The following NUP153 variants were observed in gnomAD, a reference collection of about 807,000 sequenced individuals.
The protein encoded by NUP153 is nuclear pore complex protein Nup153.
Under a neutral mutation model 134.6 loss-of-function variants are expected in NUP153, and 27 were observed. That is an observed-to-expected ratio of 0.20 (90% confidence interval 0.15 to 0.28). NUP153 has a LOEUF of 0.28. Ranked by LOEUF, NUP153 falls within the 10% of genes least tolerant of loss-of-function variation. The pLI is 1.00. For synonymous variants in NUP153, 640 were observed against 623.5 expected (o/e 1.03, Z -0.40); for missense variants, 1,821 against 1,731.3 (o/e 1.05, Z -0.92).
intron 2 of NUP153, among the ~76,000 whole-genome samples, chr6:17,682,622 T>G (rs988986451): frequency 1.3e-5 from 2 of 152,008 alleles, no homozygotes; most frequent in Admixed American, 1.3e-4. Context: ...AGATTCCATC[T>G]CACGAAACCA....
intron 20 of NUP153, among the ~76,000 whole-genome samples, chr6:17,620,271 C>T (rs950616422): frequency 6.6e-6 from 1 of 151,920 alleles, no homozygotes; most frequent in Non-Finnish European, 1.5e-5. Flanking sequence ...CCATATATAG[C>T]TATATGAGAC....
At chr6:17,699,741 A>T (rs906322434) in intron 1 of NUP153, among the ~76,000 whole-genome samples, 4 of 152,068 alleles carry the variant, frequency 2.6e-5, no homozygotes, top group African/African-American at 9.7e-5. Flanking sequence ...AGGCTGAAGC[A>T]GGAGAATCCC....
At chr6:17,672,562 C>A (rs1461373472) in intron 5 of NUP153, among the ~76,000 whole-genome samples, 1 of 152,196 alleles carries the variant, frequency 6.6e-6, no homozygotes, top group African/African-American at 2.4e-5. Context: ...TGTGACAGAG[C>A]AAGGCCCTGT....
intron 20 of NUP153, among the ~76,000 whole-genome samples, chr6:17,618,027 C>T (rs1334234732): frequency 2.0e-5 from 3 of 151,988 alleles, no homozygotes; most frequent in Non-Finnish European, 4.4e-5. Flanking sequence ...CACAAAATAC[C>T]GAGCGCTCCA....
At chr6:17,701,835 G>GGGT (rs1770111620) in intron 1 of NUP153, among the ~76,000 whole-genome samples, 1 of 99,908 alleles carries the variant, frequency 1.0e-5, no homozygotes, top group Non-Finnish European at 2.2e-5. Context: ...TCTGTCTCGG[G>GGGT]GGGGGGGGGA....
intron 11 of NUP153, among the ~76,000 whole-genome samples, chr6:17,658,696 G>C (rs893407060): frequency 6.6e-6 from 1 of 152,174 alleles, no homozygotes; most frequent in Non-Finnish European, 1.5e-5. Context: ...TGTCTCACAA[G>C]CTGAGTGAAA....
chr6:17,702,611 G>A (rs1770190879), intron 1 of NUP153, among the ~76,000 whole-genome samples: 1 of 152,060 alleles, frequency 6.6e-6, no homozygotes, highest in Non-Finnish European at 1.5e-5. Context: ...AGGAGGCAGA[G>A]GTTGCACTGA....
intron 5 of NUP153, among the ~76,000 whole-genome samples, chr6:17,671,616 A>G (rs768671034): frequency 3.3e-5 from 5 of 152,210 alleles, no homozygotes; most frequent in Non-Finnish European, 5.9e-5. Context: ...AAATTTATAA[A>G]CCACCTAAAT....
chr6:17,689,389 A>AAAAAC (rs961867533), intron 1 of NUP153, among the ~76,000 whole-genome samples: 18 of 151,840 alleles, frequency 1.2e-4, no homozygotes, highest in East Asian at 3.9e-4. Flanking sequence ...CTCCATCTCA[A>AAAAAC]AAAACAAAAC....
At chr6:17,637,048 T>G in intron 16 of NUP153, 105 bp downstream of exon 16, 1 of 1,128,704 alleles carries the variant, frequency 8.9e-7, no homozygotes, top group Non-Finnish European at 1.3e-6. Flanking sequence ...TTAATATGTA[T>G]GAGAAATGCT....
chr6:17,675,704 C>T lies in NUP153; in HGVS notation c.401G>A (p.Ser134Asn), dbSNP rs760415393. The T allele has an allele frequency of 1.6e-5, 26 of 1,614,036 alleles. No individual in the cohort carries two copies. Among genetic ancestry groups the T allele is most frequent in the Admixed American group, 5.0e-5 (3 of 60,016 alleles). ...DVLTRPSLHR[S>N]HLNFSMLESP... ...TTCCAACATGGAAAAATTCAGATGG[C>T]TCCGATGAAGAGAAGGCCTTGTTAA... is the stretch of plus-strand genomic sequence containing the variant. Residue 134 changes from serine to asparagine, a missense_variant, in exon 3 of 22, where the codon AGC (serine) becomes AAC (asparagine). Ser to Asn is a conservative substitution (Grantham distance 46, BLOSUM62 1). Transcript: ENST00000262077. This position sits in a 1 kb window ranked among gnomAD's most constrained non-coding sequence, Gnocchi z 4.4.
At chr6:17,671,962 C>A (rs1301012061) in intron 5 of NUP153, among the ~76,000 whole-genome samples, 3 of 152,070 alleles carry the variant, frequency 2.0e-5, no homozygotes, top group Non-Finnish European at 4.4e-5. Flanking sequence ...GAACCAAGAT[C>A]ATGCCACAGC....
chr6:17,686,445 G>C (rs187952673), intron 2 of NUP153, among the ~76,000 whole-genome samples: 455 of 151,684 alleles, frequency 3.0e-3, no homozygotes, highest in African/African-American at 0.011. Context: ...GCCCAGGCTG[G>C]AGTGCAGTGG....
chr6:17,616,290 G>GGGGCCCC, intron 21 of NUP153, 109 bp from the exon 22 acceptor site: 2 of 473,876 alleles, frequency 4.2e-6, no homozygotes, highest in East Asian at 4.5e-5. Context: ...GGTGGGGGGG[G>GGGGCCCC]AGTAGACTCA....
chr6:17,705,785 C>G (rs771522367), intron 1 of NUP153, among the ~76,000 whole-genome samples: 1 of 152,068 alleles, frequency 6.6e-6, no homozygotes, highest in Non-Finnish European at 1.5e-5. Flanking sequence ...TTCCATGTAA[C>G]AGCGCCCCCC....
intron 14 of NUP153, among the ~76,000 whole-genome samples, chr6:17,640,548 A>T (rs1765784305): frequency 6.6e-6 from 1 of 152,250 alleles, no homozygotes; most frequent in African/African-American, 2.4e-5. Flanking sequence ...GTAAAATATT[A>T]AATAAGGGTA....
At chr6:17,684,688 C>T (rs1441612870) in intron 2 of NUP153, among the ~76,000 whole-genome samples, 2 of 152,190 alleles carry the variant, frequency 1.3e-5, no homozygotes, top group Admixed American at 6.5e-5. Context: ...GTCCACATGC[C>T]TTCCTCACTA....
chr6:17,656,656 A>G (rs1416963572), intron 11 of NUP153, among the ~76,000 whole-genome samples: 1 of 152,140 alleles, frequency 6.6e-6, no homozygotes, highest in Non-Finnish European at 1.5e-5. Flanking sequence ...TGAAGAAAGG[A>G]AAGCTTTACT....
intron 20 of NUP153, among the ~76,000 whole-genome samples, chr6:17,617,454 G>A (rs1421628847): frequency 2.3e-5 from 3 of 132,586 alleles, no homozygotes; most frequent in Non-Finnish European, 4.7e-5. Context: ...AAGTGAGGAT[G>A]TAGTGGGAAT....
Sources: allele counts gnomAD v4.1 joint callset (sites outside exome capture counted in the v4.1 genomes callset), GRCh38; gene constraint gnomAD v4.1.1; non-coding constraint Gnocchi (gnomAD v3.1); transcripts MANE v1.5; gene names NCBI Gene and HGNC (gene_info 2026-07-23, HGNC 2026-07-21).